Variants in CUBN observed in about 807,000 individuals in gnomAD.
The protein encoded by CUBN is 460 kDa receptor.
CUBN carries 282 observed loss-of-function variants against 405.3 expected under a neutral mutation model. That is an observed-to-expected ratio of 0.70 (90% CI 0.63 to 0.77). The LOEUF (loss-of-function observed/expected upper bound fraction) is 0.77. Among genes scored for constraint, CUBN ranks in the 30% least tolerant of loss-of-function variants. The probability of loss-of-function intolerance (pLI) is 0.00; values close to 1 mark genes in which losing one functional copy is unlikely to be tolerated. For synonymous variants in CUBN, 1,684 were observed against 1,617.0 expected (o/e 1.04, Z -0.99); for missense variants, 4,514 against 4,475.2 (o/e 1.01, Z -0.25).
intron 10 of CUBN, among the ~76,000 whole-genome samples, chr10:17,107,162 C>A (rs1351769220): frequency 6.6e-6 from 1 of 152,198 alleles, no homozygotes; most frequent in Non-Finnish European, 1.5e-5. Flanking sequence ...TTTAGAGCAT[C>A]CAGCATCTTG....
At position 16,837,209 on chromosome 10, in the gene CUBN, CT is replaced by C. The variant is rs530766283; in HGVS notation, c.10033-828del. Among the ~76,000 whole-genome samples, 80 of 152,130 alleles carry C rather than the reference CT, an allele frequency of 5.3e-4. 3 individuals carry two copies. In the South Asian group the frequency reaches 0.016, roughly 30 times the overall value. ...TCGGTATACATCCCCCACCTTTCCA[CT>C]TTGTGGCCTTAGCAAAACCTGGTTC... On this transcript the variant is annotated intron_variant, in intron 62 of 66. Transcript: ENST00000377833.
intron 30 of CUBN, 33 bp downstream of exon 30, chr10:16,984,072 A>C: frequency 6.2e-7 from 1 of 1,611,288 alleles, no homozygotes; most frequent in South Asian, 1.1e-5. Context: ...GGCTCGGCTT[A>C]AGTACTTTAG....
intron 28 of CUBN, among the ~76,000 whole-genome samples, chr10:17,018,269 GCT>G (rs1834393466): frequency 6.6e-6 from 1 of 152,194 alleles, no homozygotes; most frequent in Non-Finnish European, 1.5e-5. Context: ...GGTACTCACC[GCT>G]TGGTGATTGT....
intron 40 of CUBN, among the ~76,000 whole-genome samples, chr10:16,929,110 GTT>G (rs141629772): frequency 0.055 from 8,368 of 152,126 alleles, 336 homozygotes; most frequent in Non-Finnish European, 0.087. Context: ...TGCCAGTGGG[GTT>G]TTTTTAAACA....
chr10:16,910,980 G>C (rs1841714823), intron 48 of CUBN, among the ~76,000 whole-genome samples: 1 of 152,084 alleles, frequency 6.6e-6, no homozygotes, highest in African/African-American at 2.4e-5. Context: ...CTCTAGCCCA[G>C]GAGAAGAATG....
chr10:16,952,265 T>C lies in CUBN; in HGVS notation c.4969+11A>G. On this transcript the variant is annotated intron_variant, in intron 33 of 66. Coordinates refer to ENST00000377833, the MANE Select transcript of CUBN (RefSeq NM_001081.4). ...CCTGTGTGCCTTTTCTTTTTCATTT[T>C]TGTTACTTACATGGAGGTTGCGCTT... 1.3e-6 allele frequency: 2 copies of C among 1,594,586 alleles called. No homozygotes were observed. The highest frequency in any genetic ancestry group is 2.2e-5 in the South Asian group (2 of 90,624).
intron 60 of CUBN, among the ~76,000 whole-genome samples, chr10:16,845,722 G>A (rs1042370229): frequency 1.3e-5 from 2 of 152,154 alleles, no homozygotes; most frequent in South Asian, 2.1e-4. Flanking sequence ...TAGTAGGTAC[G>A]ACCTCATGTG....
Position 16,920,105 on chromosome 10 carries a change from C to G in CUBN, c.6679G>C (p.Asp2227His), listed in dbSNP as rs746718141. The G allele has an allele frequency of 6.2e-7, 1 of 1,614,014 alleles. No homozygotes were observed. Reference protein sequence around the residue: ...CGGNVYIHDADSAGYVTSPNH... With the variant: ...CGGNVYIHDAHSAGYVTSPNH... Reference sequence around the variant, plus strand: ...GGGGAGGTCACATACCCAGCAGAATCAGCATCATGGATGTAGACGTTGCCC... The same window carrying G: ...GGGGAGGTCACATACCCAGCAGAATGAGCATCATGGATGTAGACGTTGCCC... Residue 2227 changes from aspartate to histidine, a missense_variant, in exon 44 of 67, where the codon GAT becomes CAT. Coordinates refer to ENST00000377833, the MANE Select transcript of CUBN (RefSeq NM_001081.4).
Position 16,928,284 on chromosome 10 carries a change from C to T in CUBN, c.6144G>A (p.Gln2048=), listed in dbSNP as rs1297401608. ...CTCTGCCACAGAGAACTGCTAGCTG[C>T]TGGGCCAAGTTATTATCTCCTACGT... ...VIRDGDNNLA[Q]QLAVLCGREI... The change falls in exon 41 of 67, where the codon CAG becomes CAA. Residue 2048 remains glutamine, a synonymous_variant. Transcript: ENST00000377833. 1 of 1,613,760 alleles carries T rather than the reference C, an allele frequency of 6.2e-7. No individual in the cohort carries two copies. The highest frequency in any genetic ancestry group is 1.3e-5 in the African/African-American group (1 of 74,872).
chr10:16,887,068 G>A (rs911183181), intron 56 of CUBN, among the ~76,000 whole-genome samples: 16 of 152,176 alleles, frequency 1.1e-4, no homozygotes, highest in African/African-American at 3.1e-4. Flanking sequence ...GATTATAGGC[G>A]TGAGCCACCG....
chr10:17,124,701 T>A (rs1362483843), intron 4 of CUBN, among the ~76,000 whole-genome samples: 1 of 152,202 alleles, frequency 6.6e-6, no homozygotes, highest in Non-Finnish European at 1.5e-5. Flanking sequence ...GTGCTGGGAT[T>A]ACAGGTGTGA....
chr10:17,054,262 C>T (rs1022466708), intron 22 of CUBN, among the ~76,000 whole-genome samples: 14 of 143,438 alleles, frequency 9.8e-5, no homozygotes, highest in South Asian at 4.9e-4. Flanking sequence ...AACCAGGAGG[C>T]GGAGGTTGCA....
chr10:17,045,809 G>A, intron 24 of CUBN, 125 bp downstream of exon 24: 1 of 896,020 alleles, frequency 1.1e-6, no homozygotes, highest in Non-Finnish European at 1.8e-6. Context: ...AAAATTATTT[G>A]CAATATTGAA....
At chr10:16,921,096 C>A (rs1842021787) in intron 43 of CUBN, among the ~76,000 whole-genome samples, 1 of 152,324 alleles carries the variant, frequency 6.6e-6, no homozygotes, top group South Asian at 2.1e-4. Flanking sequence ...AATATATGTT[C>A]TCCCATCTCA....
At chr10:17,000,357 G>A (rs1833843997) in intron 28 of CUBN, among the ~76,000 whole-genome samples, 1 of 152,148 alleles carries the variant, frequency 6.6e-6, no homozygotes, top group Non-Finnish European at 1.5e-5. Flanking sequence ...GAGTAATAAA[G>A]CAGAAATTGT....
intron 58 of CUBN, among the ~76,000 whole-genome samples, chr10:16,874,033 G>A (rs1398870753): frequency 6.6e-6 from 1 of 152,124 alleles, no homozygotes; most frequent in Non-Finnish European, 1.5e-5. Context: ...CCCAACACAT[G>A]GCAACTGCTT....
intron 14 of CUBN, among the ~76,000 whole-genome samples, chr10:17,098,786 A>T (rs1158407339): frequency 1.3e-5 from 2 of 152,252 alleles, no homozygotes; most frequent in Non-Finnish European, 2.9e-5. Context: ...CAAGTGAAAA[A>T]TTAAATTTTA....
At chr10:16,949,069 C>T (rs1204114650) in intron 34 of CUBN, among the ~76,000 whole-genome samples, 5 of 152,130 alleles carry the variant, frequency 3.3e-5, no homozygotes, top group Non-Finnish European at 5.9e-5. Flanking sequence ...AGTTTCCTCA[C>T]TTGGAAAAAG....
At position 17,085,751 on chromosome 10, in the gene CUBN, A is replaced by C; in HGVS notation, c.1956T>G (p.Asp652Glu). 6.2e-7 allele frequency: 1 copy of C among 1,613,820 alleles called. No individual in the cohort carries two copies. ...GAAGGGGGTCCTGATACAAAGGACC[A>C]TCTCGAATCTAAAACAAAAGGATGA... Reference protein sequence around the residue: ...DCNKDYLEIRDGPLYQDPLLG... With the variant: ...DCNKDYLEIREGPLYQDPLLG... Residue 652 changes from aspartate (D) to glutamate (E), a missense_variant, in exon 16 of 67, where the codon GAT becomes GAG. By Grantham distance (45) the Asp-to-Glu change is conservative (BLOSUM62 2). Coordinates refer to ENST00000377833, the MANE Select transcript of CUBN (RefSeq NM_001081.4).
Sources: gnomAD v4.1 joint callset for allele counts (sites outside exome capture counted in the v4.1 genomes callset) on GRCh38, gnomAD v4.1.1 for gene constraint, MANE v1.5 for transcripts, NCBI Gene and HGNC (gene_info 2026-07-23, HGNC 2026-07-21) for gene names.